The following TBC1D14 variants were observed in gnomAD, a reference collection of about 807,000 sequenced individuals.
TBC1D14 encodes TBC1 domain family, member 14.
TBC1D14 carries 26 observed loss-of-function variants against 79.0 expected under a neutral mutation model. The observed-to-expected ratio is 0.33, with a 90% CI of 0.24 to 0.46. TBC1D14 has a LOEUF of 0.46. Among genes scored for constraint, TBC1D14 ranks in the 20% least tolerant of loss-of-function variants. The pLI, the probability that TBC1D14 is intolerant of heterozygous loss-of-function variation, is 1.00. For synonymous variants in TBC1D14, 394 were observed against 349.9 expected (o/e 1.13, Z -1.40); for missense variants, 769 against 887.6 (o/e 0.87, Z 1.70).
intron 2 of TBC1D14, among the ~76,000 whole-genome samples, chr4:6,958,100 G>A (rs1714822245): frequency 1.3e-5 from 2 of 152,096 alleles, no homozygotes; most frequent in African/African-American, 4.8e-5. Context: ...GCTCCCCAGG[G>A]ATGGCACTGC....
chr4:6,924,858 C>T (rs376749166), intron 2 of TBC1D14, among the ~76,000 whole-genome samples: 20 of 152,188 alleles, frequency 1.3e-4, no homozygotes, highest in African/African-American at 4.6e-4. Flanking sequence ...GTGAGAGAAA[C>T]GATGTTGGGT....
At chr4:6,989,665 C>A (rs1718285653) in intron 3 of TBC1D14, among the ~76,000 whole-genome samples, 3 of 152,198 alleles carry the variant, frequency 2.0e-5, no homozygotes, top group Admixed American at 2.0e-4. Context: ...ATCTCCTAAA[C>A]TGCCAGGCCC....
intron 2 of TBC1D14, among the ~76,000 whole-genome samples, chr4:6,925,589 T>C (rs1049684497): frequency 6.6e-6 from 1 of 152,208 alleles, no homozygotes; most frequent in Non-Finnish European, 1.5e-5. Context: ...GTGTGGTCTG[T>C]GGTTTTGTCG....
At chr4:6,929,419 T>G (rs1355587125) in intron 2 of TBC1D14, among the ~76,000 whole-genome samples, 2 of 152,050 alleles carry the variant, frequency 1.3e-5, no homozygotes, top group African/African-American at 2.4e-5. Context: ...TGGAGAGAGA[T>G]GTGAACAAAG....
intron 1 of TBC1D14, among the ~76,000 whole-genome samples, chr4:6,911,464 C>T (rs896725182): frequency 1.3e-5 from 2 of 152,208 alleles, no homozygotes; most frequent in Admixed American, 6.5e-5. Context: ...CACTTTGCAC[C>T]GAGCTGGGCC....
chr4:6,948,034 G>GAA (rs1713651978), intron 2 of TBC1D14, among the ~76,000 whole-genome samples: 1 of 152,198 alleles, frequency 6.6e-6, no homozygotes, highest in Non-Finnish European at 1.5e-5. Context: ...CGTGCTTTGG[G>GAA]AGCACAGAGG....
At chr4:7,008,320 T>C (rs1046966949) in intron 9 of TBC1D14, among the ~76,000 whole-genome samples, 2 of 152,188 alleles carry the variant, frequency 1.3e-5, no homozygotes, top group African/African-American at 4.8e-5. Flanking sequence ...TAGTAACCTT[T>C]CTAATGAGCA....
At chr4:7,027,864 C>A (rs1038421240) in intron 13 of TBC1D14, among the ~76,000 whole-genome samples, 1 of 144,756 alleles carries the variant, frequency 6.9e-6, no homozygotes, top group South Asian at 2.3e-4. Flanking sequence ...ACACAGATCA[C>A]CCCCATGCAC....
chr4:6,940,286 G>T (rs1316534583), intron 2 of TBC1D14, among the ~76,000 whole-genome samples: 1 of 152,236 alleles, frequency 6.6e-6, no homozygotes, highest in African/African-American at 2.4e-5. Flanking sequence ...AGGAAGTTCT[G>T]TTGTTCAGCC....
chr4:6,975,056 C>T lies in TBC1D14; in HGVS notation c.843+7632C>T, dbSNP rs753662259. On this transcript the variant is annotated intron_variant, in intron 3 of 13. Transcript: ENST00000409757. ...CTTCCCAAGCAGCTGGGATTACAGG[C>T]GCCCGTCACCATGCCTGGCTAACTT... 2.6e-5 allele frequency among the ~76,000 whole-genome samples: 4 copies of T among 151,948 alleles called. No homozygotes were observed. In the East Asian group the frequency reaches 5.8e-4, roughly 22 times the overall value.
intron 3 of TBC1D14, among the ~76,000 whole-genome samples, chr4:6,978,058 T>C (rs1374288542): frequency 1.2e-4 from 18 of 151,428 alleles, no homozygotes; most frequent in Non-Finnish European, 1.9e-4. Context: ...CCACCCCGTC[T>C]GGGAGGGAGG....
intron 3 of TBC1D14, among the ~76,000 whole-genome samples, chr4:6,976,514 CGA>C (rs768430210): frequency 2.6e-5 from 4 of 152,190 alleles, no homozygotes; most frequent in Non-Finnish European, 5.9e-5. Flanking sequence ...AAAAGTAAAA[CGA>C]TATTGTTAGA....
intron 4 of TBC1D14, 88 bp downstream of exon 4, chr4:6,994,390 G>A: frequency 8.5e-7 from 1 of 1,172,910 alleles, no homozygotes; most frequent in South Asian, 1.2e-5. Context: ...AAAAACTAGG[G>A]TCAGAAAAGG....
intron 2 of TBC1D14, among the ~76,000 whole-genome samples, chr4:6,943,948 A>T (rs1327440850): frequency 2.0e-5 from 3 of 152,346 alleles, no homozygotes. Flanking sequence ...TCGGTCTCCC[A>T]TATGGGGTCA....
intron 1 of TBC1D14, among the ~76,000 whole-genome samples, chr4:6,920,467 C>T (rs1444487088): frequency 6.6e-6 from 1 of 151,922 alleles, no homozygotes; most frequent in Non-Finnish European, 1.5e-5. Flanking sequence ...AATGAATTTG[C>T]TTTTGCTGTG....
At chr4:6,964,047 C>T (rs916687002) in intron 2 of TBC1D14, among the ~76,000 whole-genome samples, 1 of 152,198 alleles carries the variant, frequency 6.6e-6, no homozygotes, top group Non-Finnish European at 1.5e-5. Flanking sequence ...CCACCCACCT[C>T]GGCCTCCCAA....
intron 2 of TBC1D14, among the ~76,000 whole-genome samples, chr4:6,927,546 G>C (rs1724389979): frequency 6.6e-6 from 1 of 152,204 alleles, no homozygotes; most frequent in Admixed American, 6.5e-5. Context: ...TTTTTCTAAA[G>C]CTTTCTCTAG....
At chr4:6,972,717 A>C (rs1451789163) in intron 3 of TBC1D14, among the ~76,000 whole-genome samples, 3 of 152,198 alleles carry the variant, frequency 2.0e-5, no homozygotes, top group Non-Finnish European at 2.9e-5. Flanking sequence ...AATCAGAAAC[A>C]GAAACTAAGA....
intron 3 of TBC1D14, among the ~76,000 whole-genome samples, chr4:6,986,362 G>C (rs1421741606): frequency 6.6e-6 from 1 of 152,226 alleles, no homozygotes; most frequent in Non-Finnish European, 1.5e-5. Context: ...GAGTATGGTA[G>C]GGGATGCTGA....
Sources: gnomAD v4.1 joint callset for allele counts (sites outside exome capture counted in the v4.1 genomes callset) on GRCh38, gnomAD v4.1.1 for gene constraint, MANE v1.5 for transcripts, NCBI Gene and HGNC (gene_info 2026-07-23, HGNC 2026-07-21) for gene names.